TINAG: variants seen among roughly 807,000 people sequenced by gnomAD.
TINAG encodes tubulointerstitial nephritis antigen.
A neutral mutation model predicts 72.7 loss-of-function variants in TINAG; 83 were observed. The ratio of observed to expected loss-of-function variants is 1.14; its 90% CI spans 0.96 to 1.37. TINAG has a LOEUF of 1.37. TINAG is among the 40% of genes most tolerant of loss of function. The probability of loss-of-function intolerance (pLI) is 0.00; values close to 1 mark genes in which losing one functional copy is unlikely to be tolerated. For synonymous variants in TINAG, 234 were observed against 189.9 expected, an observed-to-expected ratio of 1.23 and a Z score of -1.91; for missense variants, 685 against 576.6, an observed-to-expected ratio of 1.19 and a Z score of -1.93.
intron 3 of TINAG, among the ~76,000 whole-genome samples, chr6:54,324,166 A>G (rs1784553736): frequency 1.3e-5 from 2 of 152,228 alleles, no homozygotes. Context: ...AAACCATTCC[A>G]GGATTCAGCA....
intron 9 of TINAG, among the ~76,000 whole-genome samples, chr6:54,374,991 A>G (rs1440913924): frequency 6.6e-6 from 1 of 152,090 alleles, no homozygotes; most frequent in African/African-American, 2.4e-5. Flanking sequence ...TTATCAGTCT[A>G]TTGGGTACGT....
intron 10 of TINAG, among the ~76,000 whole-genome samples, chr6:54,382,666 T>A (rs1763986031): frequency 6.6e-6 from 1 of 152,068 alleles, no homozygotes; most frequent in African/African-American, 2.4e-5. Context: ...CAGATACTCA[T>A]AAATAGATCG....
chr6:54,355,222 T>C lies in TINAG; in HGVS notation c.1250+586T>C, dbSNP rs1426757520. On this transcript the variant is annotated intron_variant, in intron 9 of 10. Coordinates refer to ENST00000259782, the MANE Select transcript of TINAG (RefSeq NM_014464.4). The stretch of plus-strand genomic sequence containing the variant: ...AGACAGTGTGGTTATGAGACCACTT[T>C]CCCAGCGCCTTCTCAATTTTATTCT... Among the ~76,000 whole-genome samples the C allele has an allele frequency of 5.3e-5, 8 of 151,920 alleles. No individual in the cohort carries two copies. The East Asian group carries it at 1.6e-3, about 29-fold the overall frequency.
chr6:54,376,861 A>G (rs141654126), intron 9 of TINAG, among the ~76,000 whole-genome samples: 58 of 152,256 alleles, frequency 3.8e-4, no homozygotes, highest in African/African-American at 1.3e-3. Context: ...TCCTGAAGGA[A>G]GAGCTTAAAT....
chr6:54,341,242 A>T (rs1784989595), intron 4 of TINAG, among the ~76,000 whole-genome samples: 1 of 152,196 alleles, frequency 6.6e-6, no homozygotes, highest in Non-Finnish European at 1.5e-5. Context: ...ATGAGTTTTA[A>T]GATATGTATA....
At chr6:54,369,290 G>C (rs1225617500) in intron 9 of TINAG, among the ~76,000 whole-genome samples, 3 of 151,730 alleles carry the variant, frequency 2.0e-5, no homozygotes, top group Non-Finnish European at 4.4e-5. Context: ...GTGAAAATTA[G>C]TATAATTTAG....
At chr6:54,343,458 T>A in intron 5 of TINAG, 109 bp downstream of exon 5, 1 of 1,070,022 alleles carries the variant, frequency 9.3e-7, no homozygotes, top group Non-Finnish European at 1.2e-6. Flanking sequence ...TATTAGCATA[T>A]GATCAAATAA....
At chr6:54,309,299 T>C (rs1316389928) in intron 1 of TINAG, among the ~76,000 whole-genome samples, 1 of 152,190 alleles carries the variant, frequency 6.6e-6, no homozygotes, top group Non-Finnish European at 1.5e-5. Context: ...AGTCGCAAGA[T>C]TTCCTATCCG....
chr6:54,320,247 A>G (rs746212907), intron 1 of TINAG, among the ~76,000 whole-genome samples: 1 of 152,122 alleles, frequency 6.6e-6, no homozygotes, highest in Non-Finnish European at 1.5e-5. Context: ...CCATAAATCA[A>G]TTCAAATACT....
Position 54,349,734 on chromosome 6 carries a change from C to T in TINAG, c.918C>T (p.Cys306=), listed in dbSNP as rs747656338. 6.3e-7 allele frequency: 1 copy of T among 1,592,780 alleles called. No individual in the cohort carries two copies. Among genetic ancestry groups the T allele is most frequent in the Non-Finnish European group, 8.6e-7 (1 of 1,166,916 alleles). Residue 306 remains cysteine, a synonymous_variant, in exon 7 of 11, where the codon TGC becomes TGT. Transcript: ENST00000259782. ...CTCATAGACTGGTATCCCACGCATG[C>T]TACCCACTTTTCAAAGACCAAAATG... ...LRKRGLVSHA[C]YPLFKDQNAT...
At chr6:54,332,593 G>A (rs1039202502) in intron 4 of TINAG, among the ~76,000 whole-genome samples, 4 of 152,090 alleles carry the variant, frequency 2.6e-5, no homozygotes, top group African/African-American at 9.7e-5. Flanking sequence ...AAAAGCAATG[G>A]CAACAAAAGC....
intron 1 of TINAG, among the ~76,000 whole-genome samples, chr6:54,316,656 G>A (rs1253874896): frequency 4.6e-5 from 7 of 151,984 alleles, no homozygotes; most frequent in African/African-American, 2.4e-5. Flanking sequence ...TAGACAACAT[G>A]TCATTATCTT....
rs575219242 is a variant in TINAG, at chr6:54,332,550, A to G, written c.624+5634A>G. ...ACCTAGGCAATACCATTCAGGACAT[A>G]GGCACGGGCAAAGACTTCATGAATA... On this transcript the variant is annotated intron_variant, in intron 4 of 10. Coordinates refer to ENST00000259782, the MANE Select transcript of TINAG (RefSeq NM_014464.4). Among the ~76,000 whole-genome samples, 71 of 152,330 alleles carry G rather than the reference A, an allele frequency of 4.7e-4. 1 individual carries two copies. The highest frequency in any genetic ancestry group is 1.7e-3 in the African/African-American group (71 of 41,574).
At chr6:54,364,717 G>T (rs1362634913) in intron 9 of TINAG, among the ~76,000 whole-genome samples, 3 of 151,072 alleles carry the variant, frequency 2.0e-5, no homozygotes, top group Non-Finnish European at 3.0e-5. Flanking sequence ...TTCTATTTTA[G>T]GTACCTCAAT....
chr6:54,384,238 G>A (rs567677898), intron 10 of TINAG, among the ~76,000 whole-genome samples: 1 of 152,192 alleles, frequency 6.6e-6, no homozygotes, highest in South Asian at 2.1e-4. Flanking sequence ...AGCATTAGGA[G>A]AAATACCTAA....
intron 4 of TINAG, among the ~76,000 whole-genome samples, 170 bp from the exon 5 acceptor site, chr6:54,343,056 A>C (rs756239398): frequency 6.6e-6 from 1 of 152,198 alleles, no homozygotes; most frequent in Non-Finnish European, 1.5e-5. Flanking sequence ...TTGAATTGTC[A>C]TTTTTAACCA....
upstream of TINAG, chr6:54,308,045 CAG>C (rs1227892675): frequency 6.5e-7 from 1 of 1,549,654 alleles, no homozygotes; most frequent in Non-Finnish European, 8.7e-7. Flanking sequence ...ATTGATATGA[CAG>C]ATCCTAGCAG....
intron 9 of TINAG, among the ~76,000 whole-genome samples, chr6:54,369,144 G>A (rs923384272): frequency 1.3e-5 from 2 of 151,960 alleles, no homozygotes; most frequent in South Asian, 4.1e-4. Context: ...TTTGAAACAT[G>A]AGCTGTAAGG....
At chr6:54,330,179 C>A (rs1784704403) in intron 4 of TINAG, among the ~76,000 whole-genome samples, 1 of 152,126 alleles carries the variant, frequency 6.6e-6, no homozygotes, top group African/African-American at 2.4e-5. Flanking sequence ...ATCTTCTCAG[C>A]ACCACATAAC....
Sources: gnomAD v4.1 joint callset for allele counts (sites outside exome capture counted in the v4.1 genomes callset) on GRCh38, gnomAD v4.1.1 for gene constraint, MANE v1.5 for transcripts, NCBI Gene and HGNC (gene_info 2026-07-23, HGNC 2026-07-21) for gene names.